Variants in MOB1A observed in about 807,000 individuals in gnomAD.
MOB1A encodes MOB1 Mps One Binder homolog A.
Under a neutral mutation model 25.1 loss-of-function variants are expected in MOB1A, and 10 were observed. That is an observed-to-expected ratio of 0.40 (90% CI 0.25 to 0.68). The LOEUF (loss-of-function observed/expected upper bound fraction) is 0.68. Among genes scored for constraint, MOB1A ranks in the 30% least tolerant of loss-of-function variants. The pLI, the probability that MOB1A is intolerant of heterozygous loss-of-function variation, is 0.40. For missense variants in MOB1A, 177 were observed against 256.3 expected, an observed-to-expected ratio of 0.69 and a Z score of 2.11; for synonymous variants, 81 against 79.5, an observed-to-expected ratio of 1.02 and a Z score of -0.10.
At position 74,155,691 on chromosome 2, in the gene MOB1A, C is replaced by G. The variant is rs1692785782; in HGVS notation, c.*877G>C. ...ATTCTCTTATCCAGAATTTTAAGGC[C>G]TCTGAAAAATAATGAAATAATAAAA... On this transcript the variant is annotated 3_prime_UTR_variant, in exon 6 of 6. Coordinates refer to ENST00000396049, the MANE Select transcript of MOB1A (RefSeq NM_018221.5). 2.6e-5 allele frequency: 4 copies of G among 152,392 alleles called. No individual in the cohort carries two copies. The allele number at this position is 152,392 out of a possible 1,614,324, so 9.4% of individuals were successfully genotyped here. A position where few individuals can be genotyped will look rare whatever the true frequency, so the allele number is the denominator to read the frequency against.
rs149921018 is a variant in MOB1A, at chr2:74,166,600, C to T, written c.275+414G>A. Among the ~76,000 whole-genome samples the T allele has an allele frequency of 2.0e-5, 3 of 152,072 alleles. 1 individual carries two copies. The highest frequency in any genetic ancestry group is 4.1e-4 in the South Asian group (2 of 4,828). On this transcript the variant is annotated intron_variant, in intron 3 of 5. Transcript: ENST00000396049. Reference sequence around the variant, plus strand: ...CTTTAATCCCAGCACTTTGCGAGGCCGAGGTGGGCAGATCACTTGAGGCCA... The same window carrying T: ...CTTTAATCCCAGCACTTTGCGAGGCTGAGGTGGGCAGATCACTTGAGGCCA...
chr2:74,153,322 A>G lies in MOB1A; in HGVS notation c.*3246T>C, dbSNP rs369025578. The G allele has an allele frequency of 6.6e-6, 1 of 152,232 alleles. No homozygotes were observed. The highest frequency in any genetic ancestry group is 1.5e-5 in the Non-Finnish European group (1 of 68,044). The allele number at this position is 152,232 out of a possible 1,614,324, so 9.4% of individuals were successfully genotyped here. A position where few individuals can be genotyped will look rare whatever the true frequency, so the allele number is the denominator to read the frequency against. On this transcript the variant is annotated 3_prime_UTR_variant, in exon 6 of 6. Transcript: ENST00000396049. ...GAAGCTCTACTTCTAGTATACCTCA[A>G]TGCTCAGAGAGAAAGCCAACAATAC...
At position 74,153,654 on chromosome 2, in the gene MOB1A, A is replaced by C. The variant is rs1692720159; in HGVS notation, c.*2914T>G. ...TTTAAAAATCTGCACATCACTGTAC[A>C]AGTGTTTTTTGAAGGCCTGAAAATT... On this transcript the variant is annotated 3_prime_UTR_variant, in exon 6 of 6. Transcript: ENST00000396049. 6.6e-6 allele frequency: 1 copy of C among 152,250 alleles called. No individual in the cohort carries two copies. Among genetic ancestry groups the C allele is most frequent in the African/African-American group, 2.4e-5 (1 of 41,462 alleles). The allele number at this position is 152,250 out of a possible 1,614,324, so 9.4% of individuals were successfully genotyped here. A position where few individuals can be genotyped will look rare whatever the true frequency, so the allele number is the denominator to read the frequency against.
At position 74,158,778 on chromosome 2, in the gene MOB1A, CAAA is replaced by C. The variant is rs58720139; in HGVS notation, c.573+310_573+312del. Among the ~76,000 whole-genome samples the C allele has an allele frequency of 7.2e-3, 589 of 81,990 alleles. 5 individuals are homozygous for C. The highest frequency in any genetic ancestry group is 0.063 in the Middle Eastern group (8 of 126). 53.8% of individuals were successfully genotyped at this position (81,990 alleles called of 152,430 possible). ...TGGGCCACAGAGTGAGACCCTGTCT[CAAA>C]AAAAAAAAAAAAAAAAGTTCCAATT... On this transcript the variant is annotated intron_variant, in intron 5 of 5. Coordinates refer to ENST00000396049, the MANE Select transcript of MOB1A (RefSeq NM_018221.5).
Position 74,167,018 on chromosome 2 carries a change from G to C in MOB1A, c.271C>G (p.Pro91Ala), listed in dbSNP as rs776103020. The C allele has an allele frequency of 1.2e-6, 2 of 1,612,046 alleles. No individual in the cohort carries two copies. The highest frequency in any genetic ancestry group is 2.2e-5 in the South Asian group (2 of 91,000). ...TATAATAGGCAGTATATGTACCTCG[G>C]ACCTGCAGACATGACTGGACAGCTT... ...EASCPVMSAG[P>A]RYEYHWADGT... The change falls in exon 3 of 6, where the codon CCG (proline) becomes GCG (alanine). Residue 91 changes from proline (P) to alanine (A), a missense_variant. Physicochemically the swap from Pro to Ala is conservative, Grantham distance 27. Coordinates refer to ENST00000396049, the MANE Select transcript of MOB1A (RefSeq NM_018221.5).
In MOB1A at chr2:74,154,475, GCT is replaced by G. The variant is rs1692747787; in HGVS notation, c.*2091_*2092del. ...TCTCTGATTTATGTCCCATTTATAA[GCT>G]GCCTTTACTACTGTCCTGACATGTG... is the stretch of plus-strand genomic sequence containing the variant. On this transcript the variant is annotated 3_prime_UTR_variant, in exon 6 of 6. Transcript: ENST00000396049. 6.6e-6 allele frequency: 1 copy of G among 152,166 alleles called. No individual in the cohort carries two copies. Among genetic ancestry groups the G allele is most frequent in the African/African-American group, 2.4e-5 (1 of 41,428 alleles). The allele number at this position is 152,166 out of a possible 1,614,324, so 9.4% of individuals were successfully genotyped here.
chr2:74,170,996 T>C (rs1430464853), intron 2 of MOB1A, among the ~76,000 whole-genome samples: 1 of 152,034 alleles, frequency 6.6e-6, no homozygotes, highest in Non-Finnish European at 1.5e-5. Flanking sequence ...AAGAAAACAT[T>C]TGGCCAGGTG....
At chr2:74,175,445 A>G (rs7579332) in intron 1 of MOB1A, among the ~76,000 whole-genome samples, 23,176 of 152,198 alleles carry the variant, frequency 0.15, 2,078 homozygotes, top group East Asian at 0.38. Context: ...CAAAAAGGTT[A>G]GGGACCACTG....
At position 74,156,208 on chromosome 2, in the gene MOB1A, C is replaced by T. The variant is rs890355123; in HGVS notation, c.*360G>A. 1 of 167,870 alleles carries T rather than the reference C, an allele frequency of 6.0e-6. No homozygotes were observed. Among genetic ancestry groups the T allele is most frequent in the African/African-American group, 2.4e-5 (1 of 41,896 alleles). 10.4% of individuals were successfully genotyped at this position (167,870 alleles called of 1,614,324 possible). A position where few individuals can be genotyped will look rare whatever the true frequency, so the allele number is the denominator to read the frequency against. On this transcript the variant is annotated 3_prime_UTR_variant, in exon 6 of 6. Transcript: ENST00000396049. ...ATGGAAATTCTTAATGTCCATTGTG[C>T]TGTCACCTAAAACAGATTCAATCAT...
At chr2:74,172,840 C>T (rs747298857) in intron 1 of MOB1A, 88 bp from the exon 2 acceptor site, 6 of 1,354,490 alleles carry the variant, frequency 4.4e-6, no homozygotes, top group Non-Finnish European at 6.1e-6. Context: ...ATAAAGTAGC[C>T]TGTAAAAATA....
intron 2 of MOB1A, among the ~76,000 whole-genome samples, chr2:74,171,136 C>T (rs546586560): frequency 1.4e-4 from 21 of 151,626 alleles, no homozygotes; most frequent in Admixed American, 3.3e-4. Flanking sequence ...AAAAATTAGC[C>T]GGGCGTGGTG....
chr2:74,178,579 C>T, intron 1 of MOB1A, 82 bp downstream of exon 1: 1 of 1,065,404 alleles, frequency 9.4e-7, no homozygotes, highest in Non-Finnish European at 1.2e-6. Context: ...GCCCCCAGGC[C>T]GAGCCCTCGC....
chr2:74,171,883 A>G (rs2103735699), intron 2 of MOB1A, among the ~76,000 whole-genome samples: 1 of 152,290 alleles, frequency 6.6e-6, no homozygotes, highest in East Asian at 1.9e-4. Flanking sequence ...AGTCTGGGCA[A>G]CAGAGCAAGA....
intron 1 of MOB1A, among the ~76,000 whole-genome samples, chr2:74,175,526 G>A (rs1373814408): frequency 6.6e-6 from 1 of 152,032 alleles, no homozygotes; most frequent in African/African-American, 2.4e-5. Context: ...ATTTTGGGAG[G>A]GCAATATGGT....
chr2:74,158,934 T>A, intron 5 of MOB1A, 157 bp downstream of exon 5: 1 of 786,588 alleles, frequency 1.3e-6, no homozygotes, highest in South Asian at 1.8e-5. Flanking sequence ...CACACATCAA[T>A]AAAATAAATA....
chr2:74,178,596 T>C, intron 1 of MOB1A, 65 bp downstream of exon 1: 2 of 1,251,840 alleles, frequency 1.6e-6, no homozygotes, highest in Non-Finnish European at 2.1e-6. Context: ...TCGCCTCAGG[T>C]CCGGGGAGGC....
chr2:74,155,396 T>A lies in MOB1A; in HGVS notation c.*1172A>T, dbSNP rs1005876938. On this transcript the variant is annotated 3_prime_UTR_variant, in exon 6 of 6. Transcript: ENST00000396049. Reference sequence around the variant, plus strand: ...AATATTAACAAAATGAGGATTTTTTTAAAACTTATTTCTCCCATTTTGTTT... The same window carrying A: ...AATATTAACAAAATGAGGATTTTTTAAAAACTTATTTCTCCCATTTTGTTT... The A allele has an allele frequency of 5.9e-5, 9 of 152,778 alleles. No homozygotes were observed. The highest frequency in any genetic ancestry group is 1.9e-4 in the East Asian group (1 of 5,194). 9.5% of individuals were successfully genotyped at this position (152,778 alleles called of 1,614,324 possible).
intron 2 of MOB1A, among the ~76,000 whole-genome samples, chr2:74,171,220 G>A (rs975866389): frequency 1.3e-5 from 2 of 151,362 alleles, no homozygotes; most frequent in African/African-American, 4.9e-5. Context: ...AGGTGGAGGT[G>A]GAGGTTGCAG....
chr2:74,174,522 A>ACCACAGTAAAAGAAACACTAACAT (rs980452985), intron 1 of MOB1A, among the ~76,000 whole-genome samples: 1 of 152,152 alleles, frequency 6.6e-6, no homozygotes, highest in African/African-American at 2.4e-5. Context: ...TTGAAAGCAA[A>ACCACAGTAAAAGAAACACTAACAT]CCACAGTAAA....
Sources: gnomAD v4.1 joint callset for allele counts (sites outside exome capture counted in the v4.1 genomes callset) on GRCh38, gnomAD v4.1.1 for gene constraint, MANE v1.5 for transcripts, NCBI Gene and HGNC (gene_info 2026-07-23, HGNC 2026-07-21) for gene names.